The following GLIS3 variants were observed in gnomAD, a reference collection of about 807,000 sequenced individuals.
GLIS3 encodes zinc finger protein GLIS3.
In GLIS3, 53 loss-of-function variants were observed where a neutral mutation model predicts 78.6. That is an observed-to-expected ratio of 0.67 (90% CI 0.54 to 0.85). GLIS3 has a LOEUF of 0.85. GLIS3 is among the 40% of genes least tolerant of loss of function. The probability of loss-of-function intolerance (pLI) is 0.00; values close to 1 mark genes in which losing one functional copy is unlikely to be tolerated. For missense variants in GLIS3, 1,703 were observed against 1,231.1 expected (o/e 1.38, Z -5.74); for synonymous variants, 684 against 509.9 (o/e 1.34, Z -4.60).
chr9:4,220,910 A>G (rs1229425484), intron 2 of GLIS3, among the ~76,000 whole-genome samples: 2 of 152,280 alleles, frequency 1.3e-5, no homozygotes, highest in East Asian at 3.9e-4. Flanking sequence ...GCTTAAGCCC[A>G]GGAGGTGGAG....
At chr9:4,397,504 C>T in the GLIS3 span, among the ~76,000 whole-genome samples, 1 of 151,668 alleles carries the variant, frequency 6.6e-6, no homozygotes. Context: ...CCCTGACTCC[C>T]CACCACCCAG....
chr9:3,907,482 GC>G (rs756547135), intron 6 of GLIS3, among the ~76,000 whole-genome samples: 24 of 152,170 alleles, frequency 1.6e-4, no homozygotes, highest in Non-Finnish European at 2.9e-4. Flanking sequence ...AACTACTGAT[GC>G]CCCACCCAGC....
chr9:4,405,338 G>A, the GLIS3 span, among the ~76,000 whole-genome samples: 6 of 147,588 alleles, frequency 4.1e-5, no homozygotes, highest in African/African-American at 1.5e-4. Flanking sequence ...TGGGCAGTAA[G>A]AGCGAAACTC....
intron 2 of GLIS3, among the ~76,000 whole-genome samples, chr9:4,339,687 C>T (rs1038996578): frequency 1.1e-4 from 15 of 142,312 alleles, no homozygotes; most frequent in African/African-American, 3.7e-4. Flanking sequence ...GCCACAGTGA[C>T]ATTTCAAAGC....
rs1015744697 is a variant in GLIS3, at chr9:4,009,004, A to G, written c.1711-71815T>C. On this transcript the variant is annotated intron_variant, in intron 4 of 10. Coordinates refer to ENST00000381971, the MANE Select transcript of GLIS3 (RefSeq NM_001042413.2). ...TTTCTGCAGTGCATGAGAGAGATGCATTCCTGAACCGGAGCCACACATGCA... is the reference window on the plus strand; with the variant it reads ...TTTCTGCAGTGCATGAGAGAGATGCGTTCCTGAACCGGAGCCACACATGCA... 2.6e-5 allele frequency among the ~76,000 whole-genome samples: 4 copies of G among 152,268 alleles called. No homozygotes were observed. The South Asian group carries it at 8.3e-4, about 32-fold the overall frequency.
chr9:4,014,971 A>G (rs1473950668), intron 4 of GLIS3, among the ~76,000 whole-genome samples: 1 of 152,172 alleles, frequency 6.6e-6, no homozygotes, highest in Middle Eastern at 3.2e-3. Context: ...ACTAAGACAG[A>G]CCCTTCCCTT....
At chr9:3,988,614 A>T (rs1325278960) in intron 4 of GLIS3, among the ~76,000 whole-genome samples, 1 of 152,188 alleles carries the variant, frequency 6.6e-6, no homozygotes, top group Non-Finnish European at 1.5e-5. Context: ...TAAATTCCTC[A>T]ACTGATATTT....
intron 7 of GLIS3, among the ~76,000 whole-genome samples, chr9:3,880,039 T>G (rs1198798175): frequency 6.6e-6 from 1 of 152,044 alleles, no homozygotes. Context: ...CCACGGTAGG[T>G]CAGCTGGGGC....
At chr9:3,881,871 C>T (rs998178613) in intron 7 of GLIS3, among the ~76,000 whole-genome samples, 2 of 152,178 alleles carry the variant, frequency 1.3e-5, no homozygotes, top group Non-Finnish European at 2.9e-5. Flanking sequence ...GTGTTAAAAG[C>T]ACTTTAATGC....
chr9:3,974,914 C>A (rs1818651388), intron 4 of GLIS3, among the ~76,000 whole-genome samples: 1 of 151,612 alleles, frequency 6.6e-6, no homozygotes, highest in Admixed American at 6.6e-5. Context: ...GAAATGTTAA[C>A]ATTAAAAAGA....
At chr9:4,289,569 C>G (rs141760215) in intron 1 of GLIS3, among the ~76,000 whole-genome samples, 1 of 152,108 alleles carries the variant, frequency 6.6e-6, no homozygotes, top group Non-Finnish European at 1.5e-5. Context: ...ATCGGAAGAG[C>G]ACCTTTCTAG....
chr9:4,357,392 G>A, the GLIS3 span, among the ~76,000 whole-genome samples: 2 of 152,140 alleles, frequency 1.3e-5, no homozygotes, highest in African/African-American at 4.8e-5. Flanking sequence ...TTTTCAAGCT[G>A]GGAAATCAGT....
chr9:4,345,394 T>G (rs1817884676), intron 2 of GLIS3, among the ~76,000 whole-genome samples: 1 of 152,236 alleles, frequency 6.6e-6, no homozygotes, highest in Admixed American at 6.5e-5. Flanking sequence ...ATTTTCTTTT[T>G]TATGACAATT....
In GLIS3 at chr9:4,248,152, A is replaced by G. The variant is rs116025856; in HGVS notation, c.388+37886T>C. Among the ~76,000 whole-genome samples the G allele has an allele frequency of 6.3e-3, 965 of 152,252 alleles. 9 individuals carry two copies. Among genetic ancestry groups the G allele is most frequent in the African/African-American group, 0.022 (916 of 41,550 alleles). On this transcript the variant is annotated intron_variant, in intron 2 of 10. Transcript: ENST00000381971. ...TGTGCAGAACGTCCAGGCTTGTTAC[A>G]TAGGTATGCACGTGACATAATGGTT...
intron 4 of GLIS3, among the ~76,000 whole-genome samples, chr9:3,978,948 A>G (rs948039564): frequency 6.6e-6 from 1 of 152,206 alleles, no homozygotes; most frequent in Non-Finnish European, 1.5e-5. Context: ...TACATTAGGT[A>G]TTATAAATAA....
chr9:4,129,282 T>C (rs1362915533), intron 2 of GLIS3, among the ~76,000 whole-genome samples: 2 of 152,306 alleles, frequency 1.3e-5, no homozygotes, highest in Admixed American at 1.3e-4. Context: ...TTAACATTTT[T>C]GTGCCGTATT....
intron 4 of GLIS3, among the ~76,000 whole-genome samples, chr9:4,016,140 CCAAGTT>C (rs1822417386): frequency 6.6e-6 from 1 of 152,104 alleles, no homozygotes; most frequent in South Asian, 2.1e-4. Context: ...GTTTTCCACT[CCAAGTT>C]CATTACATTC....
At chr9:3,852,683 G>A (rs959250351) in intron 9 of GLIS3, among the ~76,000 whole-genome samples, 2 of 152,146 alleles carry the variant, frequency 1.3e-5, no homozygotes, top group African/African-American at 4.8e-5. Flanking sequence ...TTCAGAAAAT[G>A]CTTGGAGAAG....
intron 5 of GLIS3, among the ~76,000 whole-genome samples, chr9:3,934,952 C>T (rs1344783574): frequency 6.6e-6 from 1 of 152,156 alleles, no homozygotes; most frequent in Non-Finnish European, 1.5e-5. Flanking sequence ...TCCACCTGTA[C>T]TGTACAATTA....
Sources: gnomAD v4.1 joint callset for allele counts (sites outside exome capture counted in the v4.1 genomes callset) on GRCh38, gnomAD v4.1.1 for gene constraint, MANE v1.5 for transcripts, NCBI Gene and HGNC (gene_info 2026-07-23, HGNC 2026-07-21) for gene names.